KLHL3: variants seen among roughly 807,000 people sequenced by gnomAD.
KLHL3 encodes kelch like family member 3, also known as kelch-like protein 3.
In KLHL3, 19 loss-of-function variants were observed where a neutral mutation model predicts 70.5. The observed-to-expected ratio is 0.27, with a 90% CI of 0.19 to 0.40. The LOEUF (loss-of-function observed/expected upper bound fraction) is 0.40, where lower values mean the gene tolerates loss of function less well. KLHL3 is among the 10% of genes least tolerant of loss of function. The probability of loss-of-function intolerance (pLI) is 1.00; values close to 1 mark genes in which losing one functional copy is unlikely to be tolerated. For missense variants in KLHL3, 512 were observed against 771.1 expected, an observed-to-expected ratio of 0.66 and a Z score of 3.98; for synonymous variants, 258 against 290.3, an observed-to-expected ratio of 0.89 and a Z score of 1.13.
Position 137,618,894 on chromosome 5 carries a change from T to TAAAAAAAAAAAAAAAAAGAAAAAAAAA in KLHL3, c.*3203_*3204insTTTTTTTTTCTTTTTTTTTTTTTTTTT, listed in dbSNP as rs1045906480. On this transcript the variant is annotated 3_prime_UTR_variant, in exon 15 of 15. Transcript: ENST00000309755. ...CAGACTCCCTTGAATATGGTATTTT[T>TAAAAAAAAAAAAAAAAAGAAAAAAAAA]AAAAAAAAAAAAAAGGCTCATCTAC... 1.4e-5 allele frequency: 2 copies of TAAAAAAAAAAAAAAAAAGAAAAAAAAA among 146,210 alleles called. 1 individual carries two copies. Among genetic ancestry groups the TAAAAAAAAAAAAAAAAAGAAAAAAAAA allele is most frequent in the Non-Finnish European group, 3.0e-5 (2 of 66,988 alleles). The allele number at this position is 146,210 out of a possible 1,614,324, so 9.1% of individuals were successfully genotyped here.
At chr5:137,652,102 CT>C (rs1751215361) in intron 8 of KLHL3, among the ~76,000 whole-genome samples, 1 of 151,634 alleles carries the variant, frequency 6.6e-6, no homozygotes, top group African/African-American at 2.4e-5. Context: ...AAACCTAAAA[CT>C]TCTAGAAGAA....
In KLHL3 at chr5:137,665,507, T is replaced by G. The variant is rs572657108; in HGVS notation, c.637-3476A>C. 2.0e-5 allele frequency among the ~76,000 whole-genome samples: 3 copies of G among 152,314 alleles called. No homozygotes were observed. In the East Asian group the frequency reaches 5.8e-4, roughly 29 times the overall value. On this transcript the variant is annotated intron_variant, in intron 6 of 14. Transcript: ENST00000309755. The stretch of plus-strand genomic sequence containing the variant: ...AAATGAAAGATTAAGTCTAGAGAGA[T>G]AAAGTAAATGAAGCAAAATGTTAAT...
intron 8 of KLHL3, among the ~76,000 whole-genome samples, chr5:137,654,522 T>C (rs1751291880): frequency 6.6e-6 from 1 of 152,208 alleles, no homozygotes; most frequent in Non-Finnish European, 1.5e-5. Context: ...AGTGATCATT[T>C]CCCTCAGCAT....
intron 7 of KLHL3, among the ~76,000 whole-genome samples, chr5:137,659,204 G>A (rs3777381): frequency 0.26 from 39,660 of 152,076 alleles, 5,458 homozygotes; most frequent in East Asian, 0.49. Flanking sequence ...CCCTGTGCTG[G>A]TCCCCAGGAA....
At chr5:137,720,381 A>C (rs1752975415) in intron 2 of KLHL3, 84 bp downstream of exon 2, 1 of 1,504,290 alleles carries the variant, frequency 6.6e-7, no homozygotes, top group South Asian at 1.2e-5. Flanking sequence ...CTAGGTGGTC[A>C]TGTTCTGACT....
intron 4 of KLHL3, among the ~76,000 whole-genome samples, chr5:137,696,128 AG>A (rs1330529620): frequency 2.0e-5 from 3 of 152,170 alleles, no homozygotes; most frequent in Non-Finnish European, 4.4e-5. Flanking sequence ...ATCCTGCCAC[AG>A]AGTTTGCTTC....
chr5:137,730,338 G>C (rs1043905858), intron 1 of KLHL3, among the ~76,000 whole-genome samples: 2 of 152,112 alleles, frequency 1.3e-5, no homozygotes, highest in African/African-American at 4.8e-5. Flanking sequence ...ACCAAACCAG[G>C]CCAAATGAAA....
In KLHL3 at chr5:137,618,734, C is replaced by A. The variant is rs1756302377; in HGVS notation, c.*3364G>T. The A allele has an allele frequency of 6.6e-6, 1 of 150,380 alleles. No individual in the cohort carries two copies. The highest frequency in any genetic ancestry group is 1.5e-5 in the Non-Finnish European group (1 of 67,766). 9.3% of individuals were successfully genotyped at this position (150,380 alleles called of 1,614,324 possible). ...TGGGAGCCACCACGAGACAGCCCGG[C>A]CTCACCCCCACAGAAAGCAGACTCC... is the stretch of plus-strand genomic sequence containing the variant. On this transcript the variant is annotated 3_prime_UTR_variant, in exon 15 of 15. Coordinates refer to ENST00000309755, the MANE Select transcript of KLHL3 (RefSeq NM_017415.3).
At chr5:137,670,841 C>T (rs1179779757) in intron 6 of KLHL3, among the ~76,000 whole-genome samples, 2 of 151,654 alleles carry the variant, frequency 1.3e-5, no homozygotes, top group Non-Finnish European at 2.9e-5. Context: ...TAAGTGGTGG[C>T]GGGCACCTGT....
Position 137,628,314 on chromosome 5 carries a change from A to G in KLHL3, c.1574T>C (p.Met525Thr), listed in dbSNP as rs1358502143. The change falls in exon 13 of 15, where the codon ATG (methionine) becomes ACG (threonine). Residue 525 changes from methionine to threonine, a missense_variant. Met to Thr is a moderately conservative substitution (Grantham distance 81). Coordinates refer to ENST00000309755, the MANE Select transcript of KLHL3 (RefSeq NM_017415.3). ...GTCATTACCTGCGTTGCGCCGGCAC[A>G]TGTTCATGTCTGCCACTTGCTTCCA... Reference protein sequence around the residue: ...NTWKQVADMNMCRRNAGVCAV... With the variant: ...NTWKQVADMNTCRRNAGVCAV... The G allele has an allele frequency of 1.2e-6, 2 of 1,614,206 alleles. No individual in the cohort carries two copies. Among genetic ancestry groups the G allele is most frequent in the Admixed American group, 3.3e-5 (2 of 60,032 alleles).
intron 1 of KLHL3, among the ~76,000 whole-genome samples, chr5:137,722,526 G>A (rs1753015339): frequency 6.6e-6 from 1 of 152,118 alleles, no homozygotes; most frequent in Non-Finnish European, 1.5e-5. Context: ...CAGCAAAGAT[G>A]AAAATTTTCT....
chr5:137,669,251 A>G (rs1751690158), intron 6 of KLHL3, among the ~76,000 whole-genome samples: 1 of 152,156 alleles, frequency 6.6e-6, no homozygotes, highest in African/African-American at 2.4e-5. Context: ...ATATTTGTGC[A>G]TATATTTGAT....
chr5:137,637,485 G>T, intron 10 of KLHL3, 90 bp from the exon 11 acceptor site: 1 of 1,117,000 alleles, frequency 9.0e-7, no homozygotes, highest in Non-Finnish European at 1.3e-6. Context: ...GAGTCCAAAT[G>T]CATGGGCTGG....
intron 6 of KLHL3, among the ~76,000 whole-genome samples, chr5:137,666,858 C>T (rs1751626983): frequency 6.6e-6 from 1 of 152,208 alleles, no homozygotes; most frequent in Non-Finnish European, 1.5e-5. Context: ...AAGGGACTCT[C>T]CATAAACATC....
intron 12 of KLHL3, chr5:137,628,715 A>G (rs1243519567): frequency 9.1e-6 from 1 of 109,884 alleles, no homozygotes; most frequent in Non-Finnish European, 1.7e-5. Flanking sequence ...ATATATATAC[A>G]CACACACAGA....
chr5:137,647,478 G>A (rs1751080386), intron 8 of KLHL3: 2 of 467,262 alleles, frequency 4.3e-6, no homozygotes, highest in Admixed American at 4.7e-5. Flanking sequence ...CAGGTGAGAG[G>A]AACAATCTGG....
intron 5 of KLHL3, 40 bp downstream of exon 5, chr5:137,692,245 A>G: frequency 6.3e-7 from 1 of 1,581,414 alleles, no homozygotes; most frequent in Non-Finnish European, 8.6e-7. Context: ...GATTAGATCC[A>G]CAAACTCGGA....
chr5:137,720,334 C>G (rs1245063154), intron 2 of KLHL3, 131 bp downstream of exon 2: 1 of 1,063,386 alleles, frequency 9.4e-7, no homozygotes, highest in African/African-American at 1.6e-5. Context: ...AAGGGGAACT[C>G]AAGTGACTAA....
At position 137,661,934 on chromosome 5, in the gene KLHL3, G is replaced by C. The variant is rs758993224; in HGVS notation, c.734C>G (p.Pro245Arg). 1 of 1,603,106 alleles carries C rather than the reference G, an allele frequency of 6.2e-7. No homozygotes were observed. The highest frequency in any genetic ancestry group is 8.5e-7 in the Non-Finnish European group (1 of 1,170,084). Residue 245 changes from proline to arginine, a missense_variant, in exon 7 of 15, where the codon CCT (proline) becomes CGT (arginine). Pro to Arg is a moderately radical substitution (Grantham distance 103). Coordinates refer to ENST00000309755, the MANE Select transcript of KLHL3 (RefSeq NM_017415.3). ...ACTCACTTGGACTAGGTAGTCCCTA[G>C]GTAAGAGAGGAAGTCGGACATGTTC... is the stretch of plus-strand genomic sequence containing the variant. ...LMEHVRLPLL[P>R]RDYLVQTVEE...
Sources: gnomAD v4.1 joint callset for allele counts (sites outside exome capture counted in the v4.1 genomes callset) on GRCh38, gnomAD v4.1.1 for gene constraint, MANE v1.5 for transcripts, NCBI Gene and HGNC (gene_info 2026-07-23, HGNC 2026-07-21) for gene names.